The following KCNJ6 variants were observed in gnomAD, a reference collection of about 807,000 sequenced individuals.
The protein encoded by KCNJ6 is G protein-activated inward rectifier potassium channel 2.
In KCNJ6, 9 loss-of-function variants were observed where a neutral mutation model predicts 34.2. That is an observed-to-expected ratio of 0.26 (90% CI 0.16 to 0.46). The LOEUF (loss-of-function observed/expected upper bound fraction) is 0.46, where lower values mean the gene tolerates loss of function less well. Ranked by LOEUF, KCNJ6 falls within the 20% of genes least tolerant of loss-of-function variation. The pLI is 1.00. For synonymous variants in KCNJ6, 196 were observed against 207.1 expected (o/e 0.95, Z 0.46); for missense variants, 236 against 531.3 (o/e 0.44, Z 5.46).
At chr21:37,819,802 T>TTTA (rs953638409) in intron 2 of KCNJ6, among the ~76,000 whole-genome samples, 120 of 98,746 alleles carry the variant, frequency 1.2e-3, no homozygotes, top group Middle Eastern at 0.01. Context: ...AAATACACTT[T>TTTA]TTTTTTTTTG....
rs2054276981 is a variant in KCNJ6 at position 37,617,580 on chromosome 21, A to T, written c.*7579T>A. 1 of 152,178 alleles carries T rather than the reference A, an allele frequency of 6.6e-6. No homozygotes were observed. Among genetic ancestry groups the T allele is most frequent in the South Asian group, 2.1e-4 (1 of 4,822 alleles). The allele number at this position is 152,178 out of a possible 1,614,324, so 9.4% of individuals were successfully genotyped here. A position where few individuals can be genotyped will look rare whatever the true frequency, so the allele number is the denominator to read the frequency against. On this transcript the variant is annotated 3_prime_UTR_variant, in exon 4 of 4. Transcript: ENST00000609713. ...GTTGTGGGGTGGCTCAAACAAACCA[A>T]ACTCCCAGCCTTACTCAAAAAGAGG...
At chr21:37,671,138 T>G (rs1426855847) in intron 3 of KCNJ6, among the ~76,000 whole-genome samples, 1 of 152,132 alleles carries the variant, frequency 6.6e-6, no homozygotes, top group Non-Finnish European at 1.5e-5. Flanking sequence ...GACCTCTAGA[T>G]AGCTTCCGGG....
intron 3 of KCNJ6, among the ~76,000 whole-genome samples, chr21:37,660,196 C>T (rs1012896448): frequency 6.6e-6 from 1 of 152,250 alleles, no homozygotes; most frequent in Non-Finnish European, 1.5e-5. Context: ...CCTGGGCACA[C>T]ACCTACACTC....
intron 2 of KCNJ6, among the ~76,000 whole-genome samples, chr21:37,839,336 T>C (rs898002804): frequency 3.9e-5 from 6 of 152,160 alleles, no homozygotes; most frequent in African/African-American, 1.4e-4. Flanking sequence ...ACCCAGTCCT[T>C]TCATCACAGT....
At chr21:37,641,692 AG>A (rs1488129781) in intron 3 of KCNJ6, among the ~76,000 whole-genome samples, 1 of 96,556 alleles carries the variant, frequency 1.0e-5, no homozygotes, top group African/African-American at 4.3e-5. Context: ...AAAGTAGACG[AG>A]TGTGTTTGGG....
At chr21:37,645,389 TAAAC>T (rs909034419) in intron 3 of KCNJ6, among the ~76,000 whole-genome samples, 1 of 151,412 alleles carries the variant, frequency 6.6e-6, no homozygotes, top group Non-Finnish European at 1.5e-5. Context: ...TAAAAACAAA[TAAAC>T]AAAAAAACCA....
intron 2 of KCNJ6, among the ~76,000 whole-genome samples, chr21:37,721,358 C>G (rs1000651670): frequency 6.6e-6 from 1 of 152,178 alleles, no homozygotes; most frequent in Non-Finnish European, 1.5e-5. Context: ...CTATGAAAAA[C>G]AGTATCTTAG....
In KCNJ6 at chr21:37,616,395, G is replaced by A. The variant is rs2054266880; in HGVS notation, c.*8764C>T. The A allele has an allele frequency of 6.6e-6, 1 of 151,278 alleles. No homozygotes were observed. Among genetic ancestry groups the A allele is most frequent in the Non-Finnish European group, 1.5e-5 (1 of 67,872 alleles). 9.4% of individuals were successfully genotyped at this position (151,278 alleles called of 1,614,324 possible). On this transcript the variant is annotated 3_prime_UTR_variant, in exon 4 of 4. Transcript: ENST00000609713. ...CACTGGGCTGAATAAAGATGTTCAG[G>A]AGCTTCTTTGGCAAGCTGGTCCCCT... is the stretch of plus-strand genomic sequence containing the variant.
chr21:37,637,428 T>C (rs2054362902), intron 3 of KCNJ6, among the ~76,000 whole-genome samples: 1 of 152,222 alleles, frequency 6.6e-6, no homozygotes, highest in African/African-American at 2.4e-5. Context: ...ATCCTACATG[T>C]GTACTCCTAA....
At chr21:37,800,282 C>G (rs140876284) in intron 2 of KCNJ6, among the ~76,000 whole-genome samples, 1 of 152,052 alleles carries the variant, frequency 6.6e-6, no homozygotes, top group Non-Finnish European at 1.5e-5. Context: ...GAGGATGTGG[C>G]GTGGGATGAC....
At chr21:37,699,304 G>A (rs1295072602) in intron 3 of KCNJ6, among the ~76,000 whole-genome samples, 1 of 152,180 alleles carries the variant, frequency 6.6e-6, no homozygotes, top group Non-Finnish European at 1.5e-5. Flanking sequence ...CTCAGCTTCG[G>A]CCCCCTTGCC....
chr21:37,653,931 A>T (rs748120869), intron 3 of KCNJ6, among the ~76,000 whole-genome samples: 1 of 152,122 alleles, frequency 6.6e-6, no homozygotes, highest in Non-Finnish European at 1.5e-5. Flanking sequence ...AGTGTGAGAG[A>T]GTCCCACCCC....
At chr21:37,914,005 CG>C (rs1344892661) in intron 1 of KCNJ6, among the ~76,000 whole-genome samples, 2 of 78,438 alleles carry the variant, frequency 2.5e-5, no homozygotes, top group African/African-American at 9.0e-5. Context: ...AGAGGCGGAT[CG>C]GGGTGTGTGT....
At chr21:37,882,949 C>A (rs1021767585) in intron 1 of KCNJ6, among the ~76,000 whole-genome samples, 3 of 152,138 alleles carry the variant, frequency 2.0e-5, no homozygotes, top group Non-Finnish European at 4.4e-5. Context: ...TGTGTGTGTG[C>A]ACTCATGAGT....
intron 1 of KCNJ6, among the ~76,000 whole-genome samples, chr21:37,906,381 G>A (rs2055841636): frequency 6.6e-6 from 1 of 152,160 alleles, no homozygotes; most frequent in Non-Finnish European, 1.5e-5. Flanking sequence ...TCTCTATCGT[G>A]GGAAGAAGGC....
chr21:37,831,601 G>A (rs1166932158), intron 2 of KCNJ6, among the ~76,000 whole-genome samples: 1 of 152,168 alleles, frequency 6.6e-6, no homozygotes, highest in African/African-American at 2.4e-5. Flanking sequence ...CCTCTAGGTT[G>A]GCCTTCAGGA....
chr21:37,829,351 G>T (rs1287550482), intron 2 of KCNJ6, among the ~76,000 whole-genome samples: 2 of 152,188 alleles, frequency 1.3e-5, no homozygotes, highest in Non-Finnish European at 2.9e-5. Context: ...TTCTACTTTG[G>T]GCTGGAGCAA....
Position 37,741,539 on chromosome 21 carries a change from T to C in KCNJ6, c.26-26408A>G, listed in dbSNP as rs144588879. ...GGCCCCTTTAGACTCAGGGTTGTGA[T>C]GGCTCTAGATGTTGCCAGCCCTGGG... On this transcript the variant is annotated intron_variant, in intron 2 of 3. Coordinates refer to ENST00000609713, the MANE Select transcript of KCNJ6 (RefSeq NM_002240.5). 4.9e-4 allele frequency among the ~76,000 whole-genome samples: 75 copies of C among 152,342 alleles called. No individual in the cohort carries two copies. The South Asian group carries it at 7.5e-3, about 15-fold the overall frequency.
intron 3 of KCNJ6, among the ~76,000 whole-genome samples, chr21:37,649,965 A>G (rs918738027): frequency 3.4e-5 from 5 of 148,430 alleles, no homozygotes; most frequent in Non-Finnish European, 5.9e-5. Flanking sequence ...GGGCTTCACC[A>G]TGTTAGCCAG....
Sources: gnomAD v4.1 joint callset for allele counts (sites outside exome capture counted in the v4.1 genomes callset) on GRCh38, gnomAD v4.1.1 for gene constraint, MANE v1.5 for transcripts, NCBI Gene and HGNC (gene_info 2026-07-23, HGNC 2026-07-21) for gene names.